The following ATP9B variants were observed in gnomAD, a reference collection of about 807,000 sequenced individuals.
The protein encoded by ATP9B is probable phospholipid-transporting ATPase IIB.
In ATP9B, 110 loss-of-function variants were observed where a neutral mutation model predicts 146.1. The observed-to-expected ratio is 0.75, with a 90% CI of 0.65 to 0.88. ATP9B has a LOEUF of 0.88. Among genes scored for constraint, ATP9B ranks in the 40% least tolerant of loss-of-function variants. ATP9B has a pLI of 0.00. For synonymous variants in ATP9B, 604 were observed against 569.7 expected (o/e 1.06, Z -0.86); for missense variants, 1,499 against 1,496.4 (o/e 1.00, Z -0.03).
chr18:79,298,491 A>T (rs1425829154), intron 13 of ATP9B, among the ~76,000 whole-genome samples: 3 of 147,098 alleles, frequency 2.0e-5, no homozygotes, highest in Admixed American at 7.0e-5. Context: ...GATTTTGCTC[A>T]TGGACCTCAA....
intron 15 of ATP9B, among the ~76,000 whole-genome samples, chr18:79,308,633 AG>A (rs2096632249): frequency 6.6e-6 from 1 of 152,156 alleles, no homozygotes. Context: ...AGCAGGTACC[AG>A]GGTCTGAGGA....
At chr18:79,316,251 G>A (rs1168726110) in intron 15 of ATP9B, among the ~76,000 whole-genome samples, 2 of 152,170 alleles carry the variant, frequency 1.3e-5, no homozygotes, top group Non-Finnish European at 2.9e-5. Flanking sequence ...GGTCGTGCAG[G>A]TGGAGATTGC....
intron 13 of ATP9B, among the ~76,000 whole-genome samples, chr18:79,303,080 A>T (rs1057304985): frequency 6.6e-6 from 1 of 152,200 alleles, no homozygotes; most frequent in Non-Finnish European, 1.5e-5. Context: ...CTCATTATTA[A>T]ACGTTGTTAG....
At chr18:79,190,261 A>G (rs2095351268) in intron 8 of ATP9B, among the ~76,000 whole-genome samples, 1 of 152,154 alleles carries the variant, frequency 6.6e-6, no homozygotes, top group Non-Finnish European at 1.5e-5. Context: ...CTATGTCTAC[A>G]TACATTTTAT....
intron 9 of ATP9B, among the ~76,000 whole-genome samples, chr18:79,204,752 T>C (rs1303986404): frequency 6.6e-6 from 1 of 152,200 alleles, no homozygotes; most frequent in Admixed American, 6.5e-5. Context: ...ATCCAGGCTG[T>C]GTCTGCAGGG....
In ATP9B at chr18:79,177,098, G is replaced by C. The variant is rs144990277; in HGVS notation, c.873+191G>C. Among the ~76,000 whole-genome samples, 16 of 152,322 alleles carry C rather than the reference G, an allele frequency of 1.1e-4. 1 individual carries two copies. In the East Asian group the frequency reaches 2.9e-3, roughly 28 times the overall value. Reference sequence around the variant, plus strand: ...TCTGTGATGTCTTAGCACATAATCAGTTTTAGGTAATTGTGAATTTTCTTT... The same window carrying C: ...TCTGTGATGTCTTAGCACATAATCACTTTTAGGTAATTGTGAATTTTCTTT... On this transcript the variant is annotated intron_variant, in intron 8 of 29. Transcript: ENST00000426216.
chr18:79,287,223 AT>A (rs1404830728), intron 13 of ATP9B, among the ~76,000 whole-genome samples: 8 of 152,216 alleles, frequency 5.3e-5, no homozygotes. Flanking sequence ...CTCTGGTAGA[AT>A]TTGGCTGTGA....
chr18:79,096,465 A>G lies in ATP9B; in HGVS notation c.120-11A>G. 1 of 1,608,868 alleles carries G rather than the reference A, an allele frequency of 6.2e-7. No individual in the cohort carries two copies. The highest frequency in any genetic ancestry group is 8.5e-7 in the Non-Finnish European group (1 of 1,179,202). ...TGGCCTATCTCAGCACTCCATTTTT[A>G]CCCTAACTAGGTACCAGCTGGAGGA... is the stretch of plus-strand genomic sequence containing the variant. On this transcript the variant is annotated splice_polypyrimidine_tract_variant and intron_variant, in intron 1 of 29. Transcript: ENST00000426216.
At chr18:79,215,342 G>C (rs2095617992) in intron 11 of ATP9B, among the ~76,000 whole-genome samples, 1 of 152,114 alleles carries the variant, frequency 6.6e-6, no homozygotes, top group African/African-American at 2.4e-5. Flanking sequence ...GGCATGCCTT[G>C]AGAACGCCCT....
At chr18:79,343,795 C>G (rs1019642214) in intron 20 of ATP9B, 1 of 219,210 alleles carries the variant, frequency 4.6e-6, no homozygotes, top group Non-Finnish European at 9.0e-6. Flanking sequence ...CAGTGACTCT[C>G]AGCAGCGCTG....
At chr18:79,211,695 A>C (rs193053074) in intron 10 of ATP9B, among the ~76,000 whole-genome samples, 1 of 152,328 alleles carries the variant, frequency 6.6e-6, no homozygotes, top group Non-Finnish European at 1.5e-5. Context: ...GGATAAATGA[A>C]GTTAAATTTT....
chr18:79,263,793 T>C (rs974202493), intron 12 of ATP9B, among the ~76,000 whole-genome samples: 3 of 152,182 alleles, frequency 2.0e-5, no homozygotes, highest in East Asian at 1.9e-4. Flanking sequence ...GTATAAGATA[T>C]CTAAGAGCAG....
At position 79,336,540 on chromosome 18, in the gene ATP9B, G is replaced by C. The variant is rs1279931928; in HGVS notation, c.2029-88G>C. ...CACAGGACATGAGGGCAGGGCACCA[G>C]CAATCAGAGTGTGGCACTGCCCTGG... is the stretch of plus-strand genomic sequence containing the variant. On this transcript the variant is annotated intron_variant, in intron 17 of 29. Transcript: ENST00000426216. 17 of 1,212,470 alleles carry C rather than the reference G, an allele frequency of 1.4e-5. No homozygotes were observed. In the East Asian group the frequency reaches 4.2e-4, roughly 30 times the overall value. The allele number at this position is 1,212,470 out of a possible 1,614,324, so 75.1% of individuals were successfully genotyped here. A position where few individuals can be genotyped will look rare whatever the true frequency, so the allele number is the denominator to read the frequency against.
chr18:79,253,980 T>C (rs1346374827), intron 12 of ATP9B: 1 of 153,134 alleles, frequency 6.5e-6, no homozygotes, highest in African/African-American at 2.4e-5. Context: ...TAGTAGGGAC[T>C]ATCATTTCAG....
At chr18:79,183,446 T>G (rs1425655569) in intron 8 of ATP9B, among the ~76,000 whole-genome samples, 1 of 129,434 alleles carries the variant, frequency 7.7e-6, no homozygotes, top group Non-Finnish European at 1.6e-5. Flanking sequence ...AGTTTTTTAA[T>G]GTGTGAGATT....
At position 79,341,210 on chromosome 18, in the gene ATP9B, T is replaced by C. The variant is rs112487568; in HGVS notation, c.2284-1058T>C. Among the ~76,000 whole-genome samples the C allele has an allele frequency of 7.4e-3, 885 of 120,166 alleles. 3 individuals carry two copies. The highest frequency in any genetic ancestry group is 0.016 in the African/African-American group (494 of 31,306). 78.8% of individuals were successfully genotyped at this position (120,166 alleles called of 152,430 possible). ...TGGTTGGATGTGTGTAGCGTGACCT[T>C]GTCGAAGTCTGCATTGCCGACACAC... On this transcript the variant is annotated intron_variant, in intron 19 of 29. Transcript: ENST00000426216.
intron 4 of ATP9B, among the ~76,000 whole-genome samples, chr18:79,119,514 C>T (rs1379871580): frequency 6.6e-6 from 1 of 152,102 alleles, no homozygotes; most frequent in Non-Finnish European, 1.5e-5. Flanking sequence ...TAGATAATTA[C>T]CTCAATAAGC....
At chr18:79,173,010 C>G (rs1485183953) in intron 7 of ATP9B, among the ~76,000 whole-genome samples, 1 of 152,178 alleles carries the variant, frequency 6.6e-6, no homozygotes, top group Non-Finnish European at 1.5e-5. Flanking sequence ...CCTGGGACAT[C>G]TAGTTTTGCC....
At chr18:79,078,613 TG>T (rs1383270708) in intron 1 of ATP9B, among the ~76,000 whole-genome samples, 1 of 152,206 alleles carries the variant, frequency 6.6e-6, no homozygotes, top group African/African-American at 2.4e-5. Flanking sequence ...ACAGCTTTTT[TG>T]ATATAGTTTA....
Sources: gnomAD v4.1 joint callset for allele counts (sites outside exome capture counted in the v4.1 genomes callset) on GRCh38, gnomAD v4.1.1 for gene constraint, MANE v1.5 for transcripts, NCBI Gene and HGNC (gene_info 2026-07-23, HGNC 2026-07-21) for gene names.